BBOF1: variants seen among roughly 807,000 people sequenced by gnomAD.
BBOF1 encodes basal body orientation factor 1.
A neutral mutation model predicts 68.0 loss-of-function variants in BBOF1; 62 were observed. The observed-to-expected ratio is 0.91, with a 90% CI of 0.74 to 1.13. The LOEUF (loss-of-function observed/expected upper bound fraction) is 1.13. Among genes scored for constraint, BBOF1 ranks in the 50% most tolerant of loss-of-function variants. BBOF1 has a pLI of 0.00. For missense variants in BBOF1, 534 were observed against 600.1 expected (o/e 0.89, Z 1.15); for synonymous variants, 208 against 198.8 (o/e 1.05, Z -0.39).
downstream of BBOF1, chr14:74,068,878 C>T: frequency 6.2e-7 from 1 of 1,614,076 alleles, no homozygotes; most frequent in South Asian, 1.1e-5. Flanking sequence ...CTTGAACCCT[C>T]TTGCCATGTC....
At chr14:74,035,573 AC>A (rs1440406175) in intron 4 of BBOF1, among the ~76,000 whole-genome samples, 2 of 95,298 alleles carry the variant, frequency 2.1e-5, no homozygotes, top group Non-Finnish European at 4.0e-5. Flanking sequence ...GTGCACCACC[AC>A]CCCCAGCTAA....
At chr14:74,057,603 A>T in intron 11 of BBOF1, 1 of 1,335,078 alleles carries the variant, frequency 7.5e-7, no homozygotes, top group Non-Finnish European at 9.7e-7. Flanking sequence ...AGTCAGAGTC[A>T]TTACAACCTA....
chr14:74,055,696 A>G lies in BBOF1; in HGVS notation c.1388+11A>G, dbSNP rs2060180928. On this transcript the variant is annotated intron_variant, in intron 9 of 11. Coordinates refer to ENST00000394009, the MANE Select transcript of BBOF1 (RefSeq NM_025057.3). ...TGGCTGTCCTTCTAGGTAACTCCCT[A>G]TTTCTGCAGTGAAATACCAAGTTGT... 12 of 1,587,716 alleles carry G rather than the reference A, an allele frequency of 7.6e-6. No individual in the cohort carries two copies. The highest frequency in any genetic ancestry group is 1.0e-5 in the Non-Finnish European group (12 of 1,157,844).
Position 74,034,067 on chromosome 14 carries a change from C to T in BBOF1, c.391C>T (p.Gln131Ter), listed in dbSNP as rs1372824977. 6.2e-7 allele frequency: 1 copy of T among 1,607,726 alleles called. No individual in the cohort carries two copies. The highest frequency in any genetic ancestry group is 8.5e-7 in the Non-Finnish European group (1 of 1,177,278). The change falls in exon 4 of 12, where the codon CAG becomes TAG. Residue 131 changes from glutamine to a stop codon, truncating the protein, a stop_gained. Transcript: ENST00000394009. LOFTEE classifies it high-confidence loss of function. ...YTRQINELEG[Q>*]FHQKAKEIGM... ...CAGGCAAATTAATGAACTAGAGGGA[C>T]AGTTCCATCAAAAAGCCAAAGAAAT...
At position 74,064,937 on chromosome 14, in the gene BBOF1, C is replaced by T. The variant is rs746374534; in HGVS notation, c.*238C>T. On this transcript the variant is annotated 3_prime_UTR_variant, in exon 12 of 12. Transcript: ENST00000394009. ...CACTCCCACCTAAAACAGAACAAAT[C>T]CGTGTCATATCCTAAGGACAAAGGA... 6.2e-7 allele frequency: 1 copy of T among 1,605,824 alleles called. No homozygotes were observed.
intron 11 of BBOF1, among the ~76,000 whole-genome samples, chr14:74,062,367 C>T (rs1595107444): frequency 6.6e-6 from 1 of 151,520 alleles, no homozygotes; most frequent in South Asian, 2.1e-4. Flanking sequence ...TTTGGGAGGC[C>T]GAGGCAGGCA....
rs1178430010 is a variant in BBOF1 at position 74,066,002 on chromosome 14, G to T, written c.*1303G>T. On this transcript the variant is annotated 3_prime_UTR_variant, in exon 12 of 12. Coordinates refer to ENST00000394009, the MANE Select transcript of BBOF1 (RefSeq NM_025057.3). ...ATTCACTATTATAGTAAGGATATAT[G>T]AATTTCAAAAAATGCCTCATAACCT... is the stretch of plus-strand genomic sequence containing the variant. 6 of 154,882 alleles carry T rather than the reference G, an allele frequency of 3.9e-5. No individual in the cohort carries two copies. The highest frequency in any genetic ancestry group is 2.5e-4 in the Admixed American group (4 of 15,782). The allele number at this position is 154,882 out of a possible 1,614,324, so 9.6% of individuals were successfully genotyped here.
rs1231308527 is a variant in BBOF1 at position 74,019,401 on chromosome 14, C to G, written c.-78C>G. 9.9e-6 allele frequency: 15 copies of G among 1,517,774 alleles called. No homozygotes were observed. In the Admixed American group the frequency reaches 1.9e-4, roughly 19 times the overall value. 94.0% of individuals were successfully genotyped at this position (1,517,774 alleles called of 1,614,324 possible). A position where few individuals can be genotyped will look rare whatever the true frequency, so the allele number is the denominator to read the frequency against. ...GTGGGGCATTGCCAGCTCGGCGTCC[C>G]GGTTCCCTTGGAGACAGAGCTGGCC... On this transcript the variant is annotated 5_prime_UTR_variant, in exon 1 of 12. Coordinates refer to ENST00000394009, the MANE Select transcript of BBOF1 (RefSeq NM_025057.3).
intron 11 of BBOF1, among the ~76,000 whole-genome samples, chr14:74,063,798 G>A (rs1424949898): frequency 6.6e-6 from 1 of 150,768 alleles, no homozygotes; most frequent in South Asian, 2.1e-4. Context: ...CCTGGGAGGC[G>A]GAGGTTGCAG....
chr14:74,022,715 T>C (rs1164233978), intron 1 of BBOF1, among the ~76,000 whole-genome samples: 5 of 152,224 alleles, frequency 3.3e-5, no homozygotes, highest in African/African-American at 9.6e-5. Context: ...GTATTTCTTT[T>C]TTTTTCTTTT....
intron 4 of BBOF1, among the ~76,000 whole-genome samples, chr14:74,039,383 CTG>C (rs2141028614): frequency 6.6e-6 from 1 of 152,118 alleles, no homozygotes; most frequent in African/African-American, 2.4e-5. Context: ...CTATTATAAA[CTG>C]TGGGGATCAT....
chr14:74,070,734 G>T, downstream of BBOF1: 1 of 175,052 alleles, frequency 5.7e-6, no homozygotes, highest in Non-Finnish European at 1.2e-5. Context: ...CTGCAAAATG[G>T]AAAAATAATA....
At chr14:74,081,545 A>G (rs4646859) in intron 12 of BBOF1, among the ~76,000 whole-genome samples, 36,666 of 152,076 alleles carry the variant, frequency 0.24, 5,001 homozygotes, top group South Asian at 0.46. Context: ...TTTCCTAAGA[A>G]ACACCCATTA....
intron 1 of BBOF1, among the ~76,000 whole-genome samples, chr14:74,020,784 G>A (rs1223825429): frequency 6.6e-6 from 1 of 152,162 alleles, no homozygotes; most frequent in Admixed American, 6.5e-5. Context: ...GATGACAGCC[G>A]TGAGCCACCA....
Position 74,046,054 on chromosome 14 carries a change from T to G in BBOF1, c.577-6T>G, listed in dbSNP as rs761951448. Reference sequence around the variant, plus strand: ...AATTATTTAAGCAGCCCATTTTCTTTTTTAGCACCGACTAGAACAAGAGGC... The same window carrying G: ...AATTATTTAAGCAGCCCATTTTCTTGTTTAGCACCGACTAGAACAAGAGGC... On this transcript the variant is annotated splice_polypyrimidine_tract_variant and splice_region_variant and intron_variant, in intron 5 of 11. Transcript: ENST00000394009. 5 of 1,601,428 alleles carry G rather than the reference T, an allele frequency of 3.1e-6. No individual in the cohort carries two copies. Among genetic ancestry groups the G allele is most frequent in the Non-Finnish European group, 3.4e-6 (4 of 1,174,498 alleles).
chr14:74,052,363 C>T (rs931658789), intron 8 of BBOF1, among the ~76,000 whole-genome samples: 4 of 151,556 alleles, frequency 2.6e-5, no homozygotes, highest in Admixed American at 6.6e-5. Flanking sequence ...ATTACATCAT[C>T]GGGCTGGGCG....
intron 8 of BBOF1, among the ~76,000 whole-genome samples, chr14:74,052,611 C>G (rs2060092659): frequency 6.6e-6 from 1 of 151,676 alleles, no homozygotes; most frequent in South Asian, 2.1e-4. Flanking sequence ...TGCCACTGCA[C>G]TCCAGCCTGG....
At chr14:74,069,190 C>T (rs200053576), downstream of BBOF1, 16 of 446,774 alleles carry the variant, frequency 3.6e-5, no homozygotes, top group Admixed American at 6.9e-5. Context: ...CTGCAACCTC[C>T]GCCTCCCAGG....
chr14:74,052,759 G>T (rs1277785043), intron 8 of BBOF1, among the ~76,000 whole-genome samples: 1 of 152,106 alleles, frequency 6.6e-6, no homozygotes, highest in Non-Finnish European at 1.5e-5. Flanking sequence ...CACTTTGGGA[G>T]GCTGAGGCAA....
Sources: gnomAD v4.1 joint callset for allele counts (sites outside exome capture counted in the v4.1 genomes callset) on GRCh38, gnomAD v4.1.1 for gene constraint, MANE v1.5 for transcripts, NCBI Gene and HGNC (gene_info 2026-07-23, HGNC 2026-07-21) for gene names.